CBLC: variants seen among roughly 807,000 people sequenced by gnomAD.
The protein encoded by CBLC is Cbl proto-oncogene C, also known as E3 ubiquitin-protein ligase CBL-C.
In CBLC, 46 loss-of-function variants were observed where a neutral mutation model predicts 58.6. The ratio of observed to expected loss-of-function variants is 0.79; its 90% CI spans 0.62 to 1.00. The LOEUF (loss-of-function observed/expected upper bound fraction) is 1.00, where lower values mean the gene tolerates loss of function less well. CBLC is among the 50% of genes least tolerant of loss of function. The pLI, the probability that CBLC is intolerant of heterozygous loss-of-function variation, is 0.00. For missense variants in CBLC, 655 were observed against 625.8 expected, an observed-to-expected ratio of 1.05 and a Z score of -0.50; for synonymous variants, 271 against 264.2, an observed-to-expected ratio of 1.03 and a Z score of -0.25.
At chr19:44,790,475 G>A (rs1339348316) in intron 6 of CBLC, among the ~76,000 whole-genome samples, 1 of 151,538 alleles carries the variant, frequency 6.6e-6, no homozygotes, top group South Asian at 2.1e-4. Context: ...CTCTTCTGTC[G>A]CCCAGGCTGG....
At chr19:44,798,824 C>G (rs1462775149) in intron 9 of CBLC, among the ~76,000 whole-genome samples, 1 of 152,152 alleles carries the variant, frequency 6.6e-6, no homozygotes, top group Non-Finnish European at 1.5e-5. Flanking sequence ...GCCCAAAGAC[C>G]TGGGGCTGGG....
At chr19:44,799,199 C>T (rs1968238045) in intron 9 of CBLC, among the ~76,000 whole-genome samples, 2 of 152,260 alleles carry the variant, frequency 1.3e-5, no homozygotes, top group South Asian at 4.1e-4. Context: ...TGGCCTGGCG[C>T]GGTGGCTCAT....
chr19:44,794,028 T>C, intron 8 of CBLC, 176 bp from the exon 9 acceptor site: 5 of 687,532 alleles, frequency 7.3e-6, no homozygotes, highest in Non-Finnish European at 8.9e-6. Flanking sequence ...CCCCAAGGGC[T>C]GGGGCTGTGG....
chr19:44,780,025 G>A (rs1036186705), intron 1 of CBLC, among the ~76,000 whole-genome samples: 3 of 152,104 alleles, frequency 2.0e-5, no homozygotes, highest in Non-Finnish European at 4.4e-5. Flanking sequence ...ATTCTTGGAA[G>A]GCAGAGCTGA....
intron 5 of CBLC, among the ~76,000 whole-genome samples, chr19:44,788,771 G>A (rs1299533276): frequency 6.6e-6 from 1 of 152,116 alleles, no homozygotes; most frequent in Admixed American, 6.6e-5. Context: ...CCAAAGTTCT[G>A]GGATTACAGG....
At chr19:44,786,387 C>T (rs1028010223) in intron 5 of CBLC, among the ~76,000 whole-genome samples, 7 of 151,422 alleles carry the variant, frequency 4.6e-5, no homozygotes, top group Admixed American at 2.0e-4. Context: ...GTCAGGAGAT[C>T]GAGACCATCC....
chr19:44,788,793 G>A (rs1163866894), intron 5 of CBLC, among the ~76,000 whole-genome samples: 1 of 152,168 alleles, frequency 6.6e-6, no homozygotes, highest in Non-Finnish European at 1.5e-5. Context: ...GTGAGCCACT[G>A]TACCCGGCCA....
chr19:44,778,985 C>T (rs558395490), intron 1 of CBLC, among the ~76,000 whole-genome samples: 225 of 152,314 alleles, frequency 1.5e-3, no homozygotes, highest in African/African-American at 5.1e-3. Flanking sequence ...CCTTGGGCAC[C>T]CATGCCCTCA....
At position 44,778,041 on chromosome 19, in the gene CBLC, T is replaced by A. The variant is rs1396002600; in HGVS notation, c.110T>A (p.Leu37Gln). The A allele has an allele frequency of 6.2e-6, 10 of 1,609,168 alleles. No homozygotes were observed. Among genetic ancestry groups the A allele is most frequent in the Non-Finnish European group, 7.6e-6 (9 of 1,179,640 alleles). The change falls in exon 1 of 11, where the codon CTG becomes CAG. Residue 37 changes from leucine to glutamine, a missense_variant. This residue lies in a region of CBLC where 280 missense variants were observed against 237.2 expected (regional missense o/e 1.18). Transcript: ENST00000647358. ...RLEEQCVDPR[L>Q]SVSPPSLRDL... ...GAAGAGCAATGCGTCGACCCCCGGCTGTCCGTGAGTCCCCCTTCGCTGCGG... is the reference window on the plus strand; with the variant it reads ...GAAGAGCAATGCGTCGACCCCCGGCAGTCCGTGAGTCCCCCTTCGCTGCGG...
chr19:44,787,991 A>G (rs1967954512), intron 5 of CBLC, among the ~76,000 whole-genome samples: 1 of 151,916 alleles, frequency 6.6e-6, no homozygotes, highest in South Asian at 2.1e-4. Context: ...CCGACAAGGT[A>G]TCACTATGTT....
At chr19:44,790,242 C>G in intron 6 of CBLC, 151 bp downstream of exon 6, 1 of 637,646 alleles carries the variant, frequency 1.6e-6, no homozygotes, top group Non-Finnish European at 2.8e-6. Context: ...AGTTATTCTT[C>G]CGGAAAATAC....
chr19:44,791,307 CAAA>C (rs57655043), intron 6 of CBLC, among the ~76,000 whole-genome samples: 14 of 78,108 alleles, frequency 1.8e-4, no homozygotes, highest in Non-Finnish European at 2.4e-4. Context: ...CTCTGTCCCG[CAAA>C]AAAAAAAAAA....
intron 1 of CBLC, among the ~76,000 whole-genome samples, chr19:44,779,682 G>T (rs899076562): frequency 6.6e-6 from 1 of 151,614 alleles, no homozygotes; most frequent in Non-Finnish European, 1.5e-5. Context: ...CTCCCATGTA[G>T]CTGGGACCAC....
rs943508801 is a variant in CBLC, at chr19:44,784,156, G to C, written c.780-108G>C. The C allele has an allele frequency of 3.9e-6, 4 of 1,023,976 alleles. No individual in the cohort carries two copies. In the African/African-American group the frequency reaches 4.7e-5, roughly 12 times the overall value. 63.4% of individuals were successfully genotyped at this position (1,023,976 alleles called of 1,614,324 possible). A position where few individuals can be genotyped will look rare whatever the true frequency, so the allele number is the denominator to read the frequency against. ...GTTGCCTAGAGGATGGGAAGCTGGG[G>C]GTGAGGACCTAGACACCTGGATTCC... On this transcript the variant is annotated intron_variant, in intron 4 of 10. Coordinates refer to ENST00000647358, the MANE Select transcript of CBLC (RefSeq NM_012116.4).
rs114851321 is a variant in CBLC, at chr19:44,789,120, C to G, written c.918-884C>G. ...AGGGGGAGACCCAGGGAGCCCAGAG[C>G]TTGCTTCTCCGGTGTCCTGGAGCCC... On this transcript the variant is annotated intron_variant, in intron 5 of 10. Transcript: ENST00000647358. 3.8e-3 allele frequency among the ~76,000 whole-genome samples: 586 copies of G among 152,308 alleles called. 5 individuals carry two copies. The highest frequency in any genetic ancestry group is 0.013 in the African/African-American group (555 of 41,576).
At chr19:44,797,432 G>T (rs920866212) in intron 9 of CBLC, among the ~76,000 whole-genome samples, 1 of 151,904 alleles carries the variant, frequency 6.6e-6, no homozygotes, top group Non-Finnish European at 1.5e-5. Flanking sequence ...TGTATTTTTA[G>T]TAGAGACAGG....
rs139540518 is a variant in CBLC, at chr19:44,794,557, C to T, written c.1362+276C>T. On this transcript the variant is annotated intron_variant, in intron 9 of 10. Transcript: ENST00000647358. ...TTGGCTCACTGCAACCTCCACCTCC[C>T]GGGTTCAAGAAATTCTCCTGCCTCA... Among the ~76,000 whole-genome samples, 1,226 of 150,620 alleles carry T rather than the reference C, an allele frequency of 8.1e-3. 23 individuals are homozygous for T. The highest frequency in any genetic ancestry group is 0.029 in the African/African-American group (1,185 of 40,930).
At position 44,778,275 on chromosome 19, in the gene CBLC, C is replaced by T. The variant is rs952747717; in HGVS notation, c.344C>T (p.Ser115Phe). ...SANDELFRAG[S>F]RLRRQLAKLA... is the part of the protein sequence containing the mutation. ...AACGACGAGCTCTTCCGGGCGGGCT[C>T]CAGACTCAGGTGAGCCTTCGCCCCA... The change falls in exon 1 of 11, where the codon TCC becomes TTC. Residue 115 changes from serine to phenylalanine, a missense_variant. Coordinates refer to ENST00000647358, the MANE Select transcript of CBLC (RefSeq NM_012116.4). 3.3e-5 allele frequency: 47 copies of T among 1,436,816 alleles called. No individual in the cohort carries two copies. Among genetic ancestry groups the T allele is most frequent in the African/African-American group, 5.9e-5 (4 of 67,942 alleles). The allele number at this position is 1,436,816 out of a possible 1,614,324, so 89.0% of individuals were successfully genotyped here.
At chr19:44,785,336 C>T (rs1967871478) in intron 5 of CBLC, among the ~76,000 whole-genome samples, 1 of 151,820 alleles carries the variant, frequency 6.6e-6, no homozygotes, top group Non-Finnish European at 1.5e-5. Flanking sequence ...AAACTCCTGA[C>T]CTCCAGTGAT....
Sources: gnomAD v4.1 joint callset for allele counts (sites outside exome capture counted in the v4.1 genomes callset) on GRCh38, gnomAD v4.1.1 for gene constraint, gnomAD v4.1.1 regional missense constraint, MANE v1.5 for transcripts, NCBI Gene and HGNC (gene_info 2026-07-23, HGNC 2026-07-21) for gene names.